ZNF705A: variants seen among roughly 807,000 people sequenced by gnomAD.
ZNF705A encodes the protein zinc finger protein 705A.
A neutral mutation model predicts 16.6 loss-of-function variants in ZNF705A; 8 were observed. That is an observed-to-expected ratio of 0.48 (90% CI 0.28 to 0.87). ZNF705A has a LOEUF of 0.87. Among genes scored for constraint, ZNF705A ranks in the 40% least tolerant of loss-of-function variants. ZNF705A has a pLI of 0.10. For missense variants in ZNF705A, 233 were observed against 359.9 expected, an observed-to-expected ratio of 0.65 and a Z score of 2.85; for synonymous variants, 73 against 117.3, an observed-to-expected ratio of 0.62 and a Z score of 2.44.
At chr12:8,173,955 T>G (rs1209251913) in intron 1 of ZNF705A, among the ~76,000 whole-genome samples, 1 of 152,198 alleles carries the variant, frequency 6.6e-6, no homozygotes, top group Non-Finnish European at 1.5e-5. Flanking sequence ...CATGGTTATT[T>G]GCCTTGTGAC....
upstream of ZNF705A, chr12:8,172,492 C>T: frequency 8.4e-7 from 1 of 1,193,918 alleles, no homozygotes; most frequent in Non-Finnish European, 1.2e-6. Flanking sequence ...TCTGGCTTTT[C>T]ATCGGTTGAT....
In ZNF705A at chr12:8,176,090, G is replaced by A. The variant is rs758726083; in HGVS notation, c.318+148G>A. 2.9e-4 allele frequency: 370 copies of A among 1,266,856 alleles called. 1 individual carries two copies. The highest frequency in any genetic ancestry group is 8.8e-4 in the South Asian group (65 of 73,758). The allele number at this position is 1,266,856 out of a possible 1,614,324, so 78.5% of individuals were successfully genotyped here. A position where few individuals can be genotyped will look rare whatever the true frequency, so the allele number is the denominator to read the frequency against. ...AAAAATTGAATACTTTGAATTTAGTGAATACATTGAACTGTGTTCTAAACC... is the reference window on the plus strand; with the variant it reads ...AAAAATTGAATACTTTGAATTTAGTAAATACATTGAACTGTGTTCTAAACC... On this transcript the variant is annotated intron_variant, in intron 4 of 4. Transcript: ENST00000359286.
At chr12:8,160,027 C>G (rs1274727694) in intron 1 of ZNF705A, among the ~76,000 whole-genome samples, 3 of 152,130 alleles carry the variant, frequency 2.0e-5, no homozygotes, top group Non-Finnish European at 4.4e-5. Context: ...GATCTAGTTT[C>G]ATTCTCCTAC....
chr12:8,165,449 A>AT (rs1215748788), intron 1 of ZNF705A, among the ~76,000 whole-genome samples: 4 of 100,852 alleles, frequency 4.0e-5, no homozygotes, highest in African/African-American at 8.2e-5. Flanking sequence ...CGCCCAGCTA[A>AT]ATTTTTTTTT....
chr12:8,179,683 G>A (rs1948516674), exon 5 of ZNF705A: 2 of 152,220 alleles, frequency 1.3e-5, no homozygotes, highest in Admixed American at 6.5e-5. Context: ...TGAGGATAAT[G>A]AGCAAGAAAT....
At chr12:8,159,514 G>C (rs1948335897) in intron 1 of ZNF705A, among the ~76,000 whole-genome samples, 1 of 152,102 alleles carries the variant, frequency 6.6e-6, no homozygotes, top group South Asian at 2.1e-4. Flanking sequence ...TCAGGAGTAA[G>C]GTCGTATCAC....
At chr12:8,175,927 C>A (rs1197960203) in exon 4 of ZNF705A, 11 of 1,611,314 alleles carry the variant, frequency 6.8e-6, no homozygotes, top group Non-Finnish European at 9.3e-6. Flanking sequence ...AAGACGCATC[C>A]ACCAGTATGA....
At chr12:8,172,574 T>G in exon 1 of ZNF705A, 1 of 1,595,656 alleles carries the variant, frequency 6.3e-7, no homozygotes, top group East Asian at 2.2e-5. Flanking sequence ...GTGCCTAAAG[T>G]GTCTGCACAT....
intron 1 of ZNF705A, among the ~76,000 whole-genome samples, chr12:8,159,720 G>C (rs1948337993): frequency 6.6e-6 from 1 of 152,064 alleles, no homozygotes; most frequent in Non-Finnish European, 1.5e-5. Context: ...GTAGATTCTG[G>C]ATATTAGTCC....
exon 5 of ZNF705A, chr12:8,178,673 T>C (rs1591626942): frequency 6.6e-6 from 1 of 152,260 alleles, no homozygotes; most frequent in Non-Finnish European, 1.5e-5. Flanking sequence ...AGGGAATAAA[T>C]TGAATGCAGA....
At chr12:8,175,675 T>C (rs1273820910) in intron 3 of ZNF705A, among the ~76,000 whole-genome samples, 185 bp from the exon 5 acceptor site, 3 of 152,184 alleles carry the variant, frequency 2.0e-5, no homozygotes, top group Non-Finnish European at 4.4e-5. Flanking sequence ...CATTTTAATT[T>C]TAAAAATCTT....
At chr12:8,166,287 A>T (rs1159305803) in intron 1 of ZNF705A, among the ~76,000 whole-genome samples, 1 of 152,170 alleles carries the variant, frequency 6.6e-6, no homozygotes, top group East Asian at 1.9e-4. Context: ...AGGCTTTTCC[A>T]TACATCTTTA....
At chr12:8,177,597 G>A (rs766370240) in exon 5 of ZNF705A, 2 of 1,432,602 alleles carry the variant, frequency 1.4e-6, no homozygotes, top group South Asian at 2.3e-5. Context: ...GAGAGAACAT[G>A]CACTGGAGAA....
intron 1 of ZNF705A, among the ~76,000 whole-genome samples, chr12:8,160,011 G>A (rs1327085116): frequency 6.6e-6 from 1 of 152,184 alleles, no homozygotes; most frequent in Non-Finnish European, 1.5e-5. Flanking sequence ...TAAAGTGAAA[G>A]ATGGGGATCT....
At chr12:8,164,683 G>T (rs920574516) in intron 1 of ZNF705A, among the ~76,000 whole-genome samples, 2 of 152,304 alleles carry the variant, frequency 1.3e-5, no homozygotes, top group Admixed American at 6.5e-5. Context: ...TTTTATGGCT[G>T]CATAGTATTC....
upstream of ZNF705A, among the ~76,000 whole-genome samples, chr12:8,167,721 G>C (rs1948411354): frequency 6.6e-6 from 1 of 152,190 alleles, no homozygotes; most frequent in Admixed American, 6.5e-5. Context: ...GTTACTGGCA[G>C]CATATCTGCA....
chr12:8,158,603 TTA>T (rs1292573133), intron 1 of ZNF705A, among the ~76,000 whole-genome samples: 1 of 152,008 alleles, frequency 6.6e-6, no homozygotes, highest in Non-Finnish European at 1.5e-5. Context: ...TTATAAATAT[TTA>T]TGTGGAAGTA....
At chr12:8,177,844 T>A in exon 5 of ZNF705A, 1 of 594,970 alleles carries the variant, frequency 1.7e-6, no homozygotes. Flanking sequence ...GGAATCAACA[T>A]GGAAGATACT....
intron 1 of ZNF705A, among the ~76,000 whole-genome samples, chr12:8,166,357 T>C (rs1948399080): frequency 6.6e-6 from 1 of 152,164 alleles, no homozygotes; most frequent in Non-Finnish European, 1.5e-5. Flanking sequence ...AAATCTCACC[T>C]CAAATTGTAC....
Sources: gnomAD v4.1 joint callset for allele counts (sites outside exome capture counted in the v4.1 genomes callset) on GRCh38, gnomAD v4.1.1 for gene constraint, MANE v1.5 for transcripts, NCBI Gene and HGNC (gene_info 2026-07-23, HGNC 2026-07-21) for gene names.